Variants in RORB observed in about 807,000 individuals in gnomAD.
The protein encoded by RORB is nuclear receptor ROR-beta.
A neutral mutation model predicts 59.1 loss-of-function variants in RORB; 6 were observed. The ratio of observed to expected loss-of-function variants is 0.10; its 90% confidence interval spans 0.06 to 0.20. The LOEUF is 0.20. Ranked by LOEUF, RORB falls within the 10% of genes least tolerant of loss-of-function variation. The pLI, the probability that RORB is intolerant of heterozygous loss-of-function variation, is 1.00. For missense variants in RORB, 320 were observed against 560.5 expected (o/e 0.57, Z 4.33); for synonymous variants, 215 against 204.5 (o/e 1.05, Z -0.44).
chr9:74,511,559 A>T (rs1825939528), intron 1 of RORB, among the ~76,000 whole-genome samples: 1 of 151,478 alleles, frequency 6.6e-6, no homozygotes, highest in Admixed American at 6.6e-5. Flanking sequence ...CTAGGGCAGG[A>T]GTTCAAGACC....
chr9:74,584,341 G>A (rs1243614506), intron 1 of RORB, among the ~76,000 whole-genome samples: 1 of 152,118 alleles, frequency 6.6e-6, no homozygotes, highest in African/African-American at 2.4e-5. Context: ...ATAACCTTGG[G>A]CAAAATATTT....
intron 1 of RORB, among the ~76,000 whole-genome samples, chr9:74,567,891 A>G (rs995522955): frequency 6.6e-6 from 1 of 152,222 alleles, no homozygotes; most frequent in African/African-American, 2.4e-5. Context: ...TTCCAGAGGA[A>G]GCATCAAGAA....
chr9:74,636,047 T>G (rs1228636581), intron 3 of RORB, among the ~76,000 whole-genome samples: 1 of 137,362 alleles, frequency 7.3e-6, no homozygotes, highest in Non-Finnish European at 1.6e-5. Context: ...AAAATTTTTC[T>G]ATTAACTGAT....
chr9:74,594,963 G>A (rs1822950250), intron 1 of RORB, among the ~76,000 whole-genome samples: 2 of 152,044 alleles, frequency 1.3e-5, no homozygotes, highest in African/African-American at 4.8e-5. Flanking sequence ...TACACATCCA[G>A]TCCCTGAGGG....
intron 9 of RORB, among the ~76,000 whole-genome samples, chr9:74,679,517 T>G (rs1824507622): frequency 6.6e-6 from 1 of 152,136 alleles, no homozygotes; most frequent in South Asian, 2.1e-4. Flanking sequence ...ATTTCAAATC[T>G]AGACTGAAGA....
At chr9:74,624,953 T>A (rs1563956579) in intron 1 of RORB, among the ~76,000 whole-genome samples, 1 of 152,096 alleles carries the variant, frequency 6.6e-6, no homozygotes, top group Non-Finnish European at 1.5e-5. Flanking sequence ...GTGAATCCAA[T>A]GTCCTAGAAT....
At chr9:74,579,417 A>G (rs1404939432) in intron 1 of RORB, among the ~76,000 whole-genome samples, 2 of 151,870 alleles carry the variant, frequency 1.3e-5, no homozygotes, top group African/African-American at 2.4e-5. Flanking sequence ...ATCTTTGAGC[A>G]TTTTAAACAG....
intron 1 of RORB, among the ~76,000 whole-genome samples, chr9:74,539,096 A>G (rs1826365894): frequency 6.6e-6 from 1 of 152,176 alleles, no homozygotes; most frequent in African/African-American, 2.4e-5. Context: ...ACTCAAGTTC[A>G]TTTTCTATGA....
At chr9:74,598,396 G>C (rs1316778002) in intron 1 of RORB, among the ~76,000 whole-genome samples, 1 of 152,142 alleles carries the variant, frequency 6.6e-6, no homozygotes, top group Non-Finnish European at 1.5e-5. Flanking sequence ...CAGAGAAAAA[G>C]AGCAATCATA....
At chr9:74,671,929 C>A in intron 9 of RORB, 28 bp downstream of exon 9, 4 of 1,314,136 alleles carry the variant, frequency 3.0e-6, no homozygotes, top group Non-Finnish European at 3.3e-6. Flanking sequence ...AGAGCCACCA[C>A]CACCAAAAGA....
At chr9:74,681,378 C>T (rs1381878577) in intron 9 of RORB, among the ~76,000 whole-genome samples, 5 of 152,242 alleles carry the variant, frequency 3.3e-5, no homozygotes, top group African/African-American at 1.2e-4. Context: ...CCTGGCCCAC[C>T]ATGCCTCCAG....
At chr9:74,637,034 T>C (rs1280606768) in intron 3 of RORB, among the ~76,000 whole-genome samples, 1 of 152,302 alleles carries the variant, frequency 6.6e-6, no homozygotes, top group African/African-American at 2.4e-5. Context: ...CTATGTCTAG[T>C]AAAGGCTCAA....
At chr9:74,604,170 G>A (rs1823114203) in intron 1 of RORB, among the ~76,000 whole-genome samples, 1 of 152,106 alleles carries the variant, frequency 6.6e-6, no homozygotes, top group African/African-American at 2.4e-5. Context: ...ATGCTGATGA[G>A]GTCTTAATTC....
intron 1 of RORB, among the ~76,000 whole-genome samples, chr9:74,587,649 A>C (rs1822821372): frequency 6.6e-6 from 1 of 152,030 alleles, no homozygotes; most frequent in Admixed American, 6.6e-5. Context: ...GGTTGGGAGG[A>C]TGGTTGGTCA....
chr9:74,557,696 G>A (rs990848366), intron 1 of RORB, among the ~76,000 whole-genome samples: 3 of 151,992 alleles, frequency 2.0e-5, no homozygotes, highest in Non-Finnish European at 4.4e-5. Flanking sequence ...CCTTAATTAC[G>A]TAACGGCCGA....
At chr9:74,543,297 A>G (rs1826438163) in intron 1 of RORB, among the ~76,000 whole-genome samples, 1 of 152,252 alleles carries the variant, frequency 6.6e-6, no homozygotes, top group Admixed American at 6.5e-5. Flanking sequence ...CTTCAGATAC[A>G]GGCAGATATA....
chr9:74,514,345 C>T (rs368666477), intron 1 of RORB, among the ~76,000 whole-genome samples: 117 of 152,006 alleles, frequency 7.7e-4, no homozygotes, highest in African/African-American at 2.7e-3. Flanking sequence ...ACTTTGTGGC[C>T]CATGTGGTCT....
At chr9:74,670,285 T>G (rs1422131444) in intron 8 of RORB, among the ~76,000 whole-genome samples, 1 of 152,230 alleles carries the variant, frequency 6.6e-6, no homozygotes, top group Non-Finnish European at 1.5e-5. Flanking sequence ...ATGGTTTTCC[T>G]CTAGTTCTTG....
At chr9:74,576,119 G>A (rs1214410454) in intron 1 of RORB, among the ~76,000 whole-genome samples, 1 of 152,064 alleles carries the variant, frequency 6.6e-6, no homozygotes, top group African/African-American at 2.4e-5. Flanking sequence ...TAAGTTGCAG[G>A]TGATAGTAAA....
Sources: allele counts gnomAD v4.1 joint callset (sites outside exome capture counted in the v4.1 genomes callset), GRCh38; gene constraint gnomAD v4.1.1; transcripts MANE v1.5; gene names NCBI Gene and HGNC (gene_info 2026-07-23, HGNC 2026-07-21).